CACNB4: variants seen among roughly 807,000 people sequenced by gnomAD.
CACNB4 encodes the protein calcium voltage-gated channel auxiliary subunit beta 4, also known as voltage-dependent L-type calcium channel subunit beta-4.
CACNB4 carries 32 observed loss-of-function variants against 71.2 expected under a neutral mutation model. The ratio of observed to expected loss-of-function variants is 0.45; its 90% CI spans 0.34 to 0.60. The LOEUF is 0.60. Ranked by LOEUF, CACNB4 falls within the 20% of genes least tolerant of loss-of-function variation. The pLI is 0.01. For missense variants in CACNB4, 464 were observed against 647.9 expected (o/e 0.72, Z 3.08); for synonymous variants, 231 against 236.9 (o/e 0.97, Z 0.23).
chr2:152,003,109 G>A (rs181312801), intron 2 of CACNB4, among the ~76,000 whole-genome samples: 27 of 152,254 alleles, frequency 1.8e-4, no homozygotes, highest in African/African-American at 6.0e-4. Context: ...GTAATTTAAA[G>A]ACATTCATCT....
chr2:152,099,108 C>A (rs925604556), upstream of CACNB4: 1 of 721,744 alleles, frequency 1.4e-6, no homozygotes, highest in South Asian at 2.1e-5. Context: ...CGCAGGACTT[C>A]CCCACCCGGC....
Position 151,946,272 on chromosome 2 carries a change from T to C in CACNB4, c.148-62902A>G, listed in dbSNP as rs186906125. Among the ~76,000 whole-genome samples the C allele has an allele frequency of 8.1e-3, 1,223 of 151,252 alleles. 14 individuals are homozygous for C. The highest frequency in any genetic ancestry group is 0.028 in the African/African-American group (1,158 of 41,166). On this transcript the variant is annotated intron_variant, in intron 2 of 13. Coordinates refer to ENST00000539935, the MANE Select transcript of CACNB4 (RefSeq NM_000726.5). ...TGAACCCGGGAGGTGGAGGTTGCAG[T>C]GAGCCAAGATTGCGCCATTGCACTC...
intron 2 of CACNB4, among the ~76,000 whole-genome samples, chr2:152,067,204 C>T (rs1686386678): frequency 6.6e-6 from 1 of 152,152 alleles, no homozygotes; most frequent in East Asian, 1.9e-4. Context: ...CTGTGGGCCA[C>T]TCTTGGCCAA....
chr2:151,996,478 TAAAAAAA>T (rs58787133), intron 2 of CACNB4, among the ~76,000 whole-genome samples: 3 of 136,330 alleles, frequency 2.2e-5, no homozygotes, highest in African/African-American at 2.7e-5. Flanking sequence ...CCCTGTCTCT[TAAAAAAA>T]AAAAAAAAAA....
At chr2:151,882,958 T>TG (rs2099848347) in intron 3 of CACNB4, 4 of 402,040 alleles carry the variant, frequency 9.9e-6, no homozygotes, top group South Asian at 2.2e-5. Flanking sequence ...AGCTGGTGCC[T>TG]GGGGGGCTGT....
At chr2:151,988,026 T>C (rs1185950296) in intron 2 of CACNB4, among the ~76,000 whole-genome samples, 2 of 152,222 alleles carry the variant, frequency 1.3e-5, no homozygotes, top group African/African-American at 4.8e-5. Context: ...CCAAGTAATT[T>C]ATCGCCAACT....
chr2:152,036,955 A>G (rs1037291131), intron 2 of CACNB4, among the ~76,000 whole-genome samples: 12 of 152,224 alleles, frequency 7.9e-5, no homozygotes, highest in Admixed American at 5.2e-4. Flanking sequence ...AGCAGCTATC[A>G]TGAACTTCAG....
chr2:152,058,239 G>T (rs1046150993), intron 2 of CACNB4, among the ~76,000 whole-genome samples: 1 of 152,156 alleles, frequency 6.6e-6, no homozygotes, highest in Non-Finnish European at 1.5e-5. Flanking sequence ...ACAGCAGTAT[G>T]AAAACAGACT....
At chr2:151,855,022 A>G (rs1272466057) in intron 11 of CACNB4, 1 of 399,458 alleles carries the variant, frequency 2.5e-6, no homozygotes, top group Non-Finnish European at 4.4e-6. Flanking sequence ...GGGATCTACA[A>G]TAGTAGCTTT....
intron 2 of CACNB4, among the ~76,000 whole-genome samples, chr2:152,035,414 G>A (rs753417773): frequency 6.6e-6 from 1 of 152,106 alleles, no homozygotes; most frequent in Non-Finnish European, 1.5e-5. Flanking sequence ...TACAAAATTA[G>A]CCAGACATGG....
At chr2:151,994,773 T>C (rs1037536818) in intron 2 of CACNB4, among the ~76,000 whole-genome samples, 1 of 152,184 alleles carries the variant, frequency 6.6e-6, no homozygotes, top group African/African-American at 2.4e-5. Flanking sequence ...GCCTCCTGAT[T>C]TCTATTAGCC....
At chr2:152,040,287 G>A (rs1166354455) in intron 2 of CACNB4, among the ~76,000 whole-genome samples, 1 of 152,128 alleles carries the variant, frequency 6.6e-6, no homozygotes, top group Non-Finnish European at 1.5e-5. Context: ...ATGACATCTA[G>A]AATCTTTAAA....
At position 151,834,623 on chromosome 2, in the gene CACNB4, T is replaced by G. The variant is rs2099834498; in HGVS notation, c.*4496A>C. On this transcript the variant is annotated 3_prime_UTR_variant, in exon 14 of 14. Coordinates refer to ENST00000539935, the MANE Select transcript of CACNB4 (RefSeq NM_000726.5). ...TCTGGGTGCCCATATAAGCCAATTT[T>G]TCTATTTTGACTAACTTGACTGCTT... The G allele has an allele frequency of 6.6e-6, 1 of 152,012 alleles. No individual in the cohort carries two copies. Among genetic ancestry groups the G allele is most frequent in the Admixed American group, 6.5e-5 (1 of 15,270 alleles). The allele number at this position is 152,012 out of a possible 1,614,324, so 9.4% of individuals were successfully genotyped here. A position where few individuals can be genotyped will look rare whatever the true frequency, so the allele number is the denominator to read the frequency against.
intron 2 of CACNB4, among the ~76,000 whole-genome samples, chr2:151,962,225 G>A (rs1440720337): frequency 1.3e-5 from 2 of 152,204 alleles, no homozygotes; most frequent in Admixed American, 1.3e-4. Context: ...GTAGCTTTCT[G>A]GATGCAACTC....
At chr2:152,002,191 T>C (rs1682463671) in intron 2 of CACNB4, among the ~76,000 whole-genome samples, 1 of 152,254 alleles carries the variant, frequency 6.6e-6, no homozygotes, top group Non-Finnish European at 1.5e-5. Flanking sequence ...AGTGGCTGAC[T>C]TGCAGTACAG....
chr2:151,967,796 A>T (rs747800867), intron 2 of CACNB4: 5 of 152,180 alleles, frequency 3.3e-5, no homozygotes, highest in Non-Finnish European at 5.9e-5. Flanking sequence ...CAAATTCAAA[A>T]CATCCTGTTT....
chr2:151,992,158 G>A (rs999906596), intron 2 of CACNB4, among the ~76,000 whole-genome samples: 8 of 152,202 alleles, frequency 5.3e-5, no homozygotes, highest in African/African-American at 1.7e-4. Context: ...AGGGAGAACC[G>A]TGAGGCAGAA....
intron 2 of CACNB4, among the ~76,000 whole-genome samples, chr2:152,028,419 G>A (rs768388884): frequency 2.0e-5 from 3 of 152,132 alleles, no homozygotes; most frequent in African/African-American, 2.4e-5. Flanking sequence ...TGATACCTTC[G>A]TGTGTAACAG....
intron 3 of CACNB4, 67 bp downstream of exon 3, chr2:151,883,184 G>A: frequency 1.3e-6 from 2 of 1,519,496 alleles, no homozygotes; most frequent in Non-Finnish European, 1.8e-6. Context: ...GTGAGGTAAG[G>A]GAAGAGCAGC....
Sources: allele counts gnomAD v4.1 joint callset (sites outside exome capture counted in the v4.1 genomes callset), GRCh38; gene constraint gnomAD v4.1.1; transcripts MANE v1.5; gene names NCBI Gene and HGNC (gene_info 2026-07-23, HGNC 2026-07-21).